Variants in PHEX observed in about 807,000 individuals in gnomAD.
The protein encoded by PHEX is phosphate regulating endopeptidase X-linked.
Under a neutral mutation model 68.0 loss-of-function variants are expected in PHEX, and 16 were observed. The observed-to-expected ratio is 0.24, with a 90% CI of 0.16 to 0.36. PHEX has a LOEUF of 0.36. Among genes scored for constraint, PHEX ranks in the 10% least tolerant of loss-of-function variants. The pLI is 1.00. For synonymous variants in PHEX, 208 were observed against 205.1 expected (o/e 1.01, Z -0.12); for missense variants, 480 against 575.5 (o/e 0.83, Z 1.70).
At chrX:22,238,278 C>T (rs773509521) in intron 20 of PHEX, among the ~76,000 whole-genome samples, 18 of 111,961 alleles carry the variant, frequency 1.6e-4, no homozygotes, top group Non-Finnish European at 2.8e-4. Flanking sequence ...GTGCAGCCCA[C>T]GGAGGGTGAG....
At chrX:22,235,231 C>CTTTCTGCATTGATTT (rs1362085889) in intron 20 of PHEX, among the ~76,000 whole-genome samples, 4 of 112,118 alleles carry the variant, frequency 3.6e-5, no homozygotes, top group Non-Finnish European at 7.5e-5. Context: ...CACCCACTTA[C>CTTTCTGCATTGATTT]TTTCTGCATT....
intron 16 of PHEX, among the ~76,000 whole-genome samples, 157 bp from the exon 17 acceptor site, chrX:22,218,879 T>C (rs1468699024): frequency 8.9e-6 from 1 of 112,527 alleles, no homozygotes; most frequent in Non-Finnish European, 1.9e-5. Context: ...GGAAGGTATG[T>C]TTAGATTTTT....
At chrX:22,037,100 G>GAAAA (rs1556011745) in intron 1 of PHEX, among the ~76,000 whole-genome samples, 49 of 84,196 alleles carry the variant, frequency 5.8e-4, no homozygotes, top group African/African-American at 2.0e-3. Context: ...CTCTTGTCTC[G>GAAAA]AAAAAAAAAA....
intron 11 of PHEX, among the ~76,000 whole-genome samples, chrX:22,131,260 C>T (rs1931987699): frequency 1.8e-5 from 2 of 110,935 alleles, no homozygotes; most frequent in African/African-American, 3.3e-5. Context: ...AGGCTGGTCT[C>T]GAACTCCTGA....
chrX:22,244,033 C>A (rs1469747349), intron 20 of PHEX, among the ~76,000 whole-genome samples: 1 of 112,029 alleles, frequency 8.9e-6, no homozygotes, highest in Non-Finnish European at 1.9e-5. Context: ...GGAACCAACC[C>A]AAATGCCCAT....
chrX:22,109,937 C>A (rs1930881883), intron 9 of PHEX, among the ~76,000 whole-genome samples: 1 of 112,053 alleles, frequency 8.9e-6, no homozygotes, highest in African/African-American at 3.2e-5. Flanking sequence ...TTGAACCCTG[C>A]AACAACTCTG....
chrX:22,085,019 C>T (rs925286477), intron 5 of PHEX, among the ~76,000 whole-genome samples: 4 of 110,017 alleles, frequency 3.6e-5, no homozygotes, highest in Non-Finnish European at 7.6e-5. Context: ...TCTCTGTCTA[C>T]TAATTTGGGG....
chrX:22,085,466 T>A (rs776553955), intron 5 of PHEX, among the ~76,000 whole-genome samples: 1 of 108,377 alleles, frequency 9.2e-6, no homozygotes, highest in Non-Finnish European at 1.9e-5. Flanking sequence ...TCCCACCTAC[T>A]CGGGAGGCTG....
rs5901695 is a variant in PHEX, at chrX:22,050,573, G to GAAA, written c.349+3380_349+3382dup. On this transcript the variant is annotated intron_variant, in intron 3 of 21. Coordinates refer to ENST00000379374, the MANE Select transcript of PHEX (RefSeq NM_000444.6). ...GCGACAGAGTGAGACTTCATCTCAG[G>GAAA]AAAAAAAAAAAAAAAAAAAACAGAA... 2.2e-4 allele frequency among the ~76,000 whole-genome samples: 11 copies of GAAA among 49,610 alleles called. 1 individual carries two copies. Among genetic ancestry groups the GAAA allele is most frequent in the Admixed American group, 4.9e-4 (2 of 4,045 alleles). The allele number at this position is 49,610 out of a possible 115,157, so 43.1% of individuals were successfully genotyped here.
intron 9 of PHEX, among the ~76,000 whole-genome samples, chrX:22,105,955 C>T (rs1930665921): frequency 8.9e-6 from 1 of 111,884 alleles, no homozygotes; most frequent in African/African-American, 3.2e-5. Context: ...TCTTCCAAGT[C>T]AGAGGCTTTA....
chrX:22,193,453 T>A (rs1033086796), intron 15 of PHEX, among the ~76,000 whole-genome samples: 5 of 110,643 alleles, frequency 4.5e-5, no homozygotes, highest in Middle Eastern at 4.6e-3. Context: ...TTTGTTTTTT[T>A]AAAATAAAAC....
chrX:22,080,879 T>G (rs1929362452), intron 5 of PHEX, among the ~76,000 whole-genome samples: 1 of 111,935 alleles, frequency 8.9e-6, no homozygotes, highest in East Asian at 2.8e-4. Flanking sequence ...AATTTACTTT[T>G]AATCGTCATT....
At chrX:22,219,333 A>C (rs1376758465) in intron 17 of PHEX, among the ~76,000 whole-genome samples, 1 of 112,445 alleles carries the variant, frequency 8.9e-6, no homozygotes, top group African/African-American at 3.2e-5. Context: ...GCAGCCTTGT[A>C]ATTTCAATAA....
intron 11 of PHEX, among the ~76,000 whole-genome samples, chrX:22,119,776 G>T (rs899009790): frequency 9.2e-6 from 1 of 108,554 alleles, no homozygotes; most frequent in African/African-American, 3.4e-5. Context: ...TATTTTTTTT[G>T]GGTAGAGATG....
chrX:22,090,235 T>C (rs749163750), intron 5 of PHEX, among the ~76,000 whole-genome samples, 194 bp from the exon 6 acceptor site: 9 of 112,386 alleles, frequency 8.0e-5, no homozygotes, highest in African/African-American at 1.9e-4. Context: ...CAGGGGCAGG[T>C]CTCTGATAGT....
At chrX:22,119,138 C>T (rs1931372928) in intron 11 of PHEX, among the ~76,000 whole-genome samples, 1 of 111,382 alleles carries the variant, frequency 9.0e-6, no homozygotes, top group Non-Finnish European at 1.9e-5. Flanking sequence ...CTCACTGCCA[C>T]CTCCGCCTCC....
chrX:22,176,398 AAAAAAT>A (rs1392986505), intron 13 of PHEX, among the ~76,000 whole-genome samples: 14 of 68,161 alleles, frequency 2.1e-4, no homozygotes, highest in African/African-American at 7.2e-4. Flanking sequence ...AAAAAAAAAA[AAAAAAT>A]ATATATATAT....
chrX:22,213,733 C>G (rs1052393258), intron 16 of PHEX, among the ~76,000 whole-genome samples: 3 of 112,010 alleles, frequency 2.7e-5, no homozygotes, highest in African/African-American at 6.5e-5. Context: ...AGTCTTGATT[C>G]TATACATTGA....
intron 9 of PHEX, among the ~76,000 whole-genome samples, chrX:22,110,111 A>C (rs1273162384): frequency 8.9e-6 from 1 of 112,424 alleles, no homozygotes; most frequent in African/African-American, 3.2e-5. Context: ...CAAAGAATAC[A>C]TAGGCATTGT....
Sources: allele counts gnomAD v4.1 joint callset (sites outside exome capture counted in the v4.1 genomes callset), GRCh38; gene constraint gnomAD v4.1.1; transcripts MANE v1.5; gene names NCBI Gene and HGNC (gene_info 2026-07-23, HGNC 2026-07-21).